ZFYVE9: variants seen among roughly 807,000 people sequenced by gnomAD.
ZFYVE9 encodes zinc finger FYVE-type containing 9, also known as zinc finger FYVE domain-containing protein 9.
Under a neutral mutation model 126.7 loss-of-function variants are expected in ZFYVE9, and 43 were observed. That is an observed-to-expected ratio of 0.34 (90% CI 0.27 to 0.44). ZFYVE9 has a LOEUF of 0.44. Among genes scored for constraint, ZFYVE9 ranks in the 20% least tolerant of loss-of-function variants. ZFYVE9 has a pLI of 1.00. For synonymous variants in ZFYVE9, 521 were observed against 597.4 expected, an observed-to-expected ratio of 0.87 and a Z score of 1.87; for missense variants, 1,476 against 1,697.0, an observed-to-expected ratio of 0.87 and a Z score of 2.29.
chr1:52,308,398 G>A (rs1300930429), intron 13 of ZFYVE9, among the ~76,000 whole-genome samples: 1 of 151,986 alleles, frequency 6.6e-6, no homozygotes, highest in East Asian at 1.9e-4. Context: ...TGTTGTCTAG[G>A]CTGATCCTGA....
At chr1:52,217,876 T>G (rs1031435512) in intron 2 of ZFYVE9, among the ~76,000 whole-genome samples, 1 of 152,062 alleles carries the variant, frequency 6.6e-6, no homozygotes, top group Non-Finnish European at 1.5e-5. Context: ...ATGTCAAGGG[T>G]TATTCTGTTT....
chr1:52,296,738 A>G (rs1251246403), intron 12 of ZFYVE9, among the ~76,000 whole-genome samples: 1 of 147,676 alleles, frequency 6.8e-6, no homozygotes, highest in Non-Finnish European at 1.5e-5. Flanking sequence ...TCCCTTTTTA[A>G]TAACCACCGA....
At chr1:52,208,203 C>G (rs1644994964) in intron 1 of ZFYVE9, among the ~76,000 whole-genome samples, 2 of 152,052 alleles carry the variant, frequency 1.3e-5, no homozygotes, top group African/African-American at 4.8e-5. Flanking sequence ...TGAATTCAAG[C>G]CTGGATCAGC....
At chr1:52,267,390 T>C (rs905814118) in intron 6 of ZFYVE9, among the ~76,000 whole-genome samples, 1 of 152,180 alleles carries the variant, frequency 6.6e-6, no homozygotes, top group Non-Finnish European at 1.5e-5. Flanking sequence ...AGGCTCAACT[T>C]ACATTGGTTT....
chr1:52,260,530 G>A (rs1557486776), intron 4 of ZFYVE9, among the ~76,000 whole-genome samples: 1 of 151,860 alleles, frequency 6.6e-6, no homozygotes. Flanking sequence ...AAATGCTTAA[G>A]TGGGGGCTGG....
At chr1:52,203,691 G>A (rs189573404) in intron 1 of ZFYVE9, among the ~76,000 whole-genome samples, 6 of 97,410 alleles carry the variant, frequency 6.2e-5, no homozygotes, top group Admixed American at 5.4e-4. Flanking sequence ...CTTATTACAC[G>A]TATGTTACAC....
intron 12 of ZFYVE9, among the ~76,000 whole-genome samples, chr1:52,302,753 GAA>G (rs58132556): frequency 1.4e-5 from 2 of 138,258 alleles, no homozygotes; most frequent in African/African-American, 5.2e-5. Context: ...TCTGTCTCAG[GAA>G]AAAAAAAAAA....
chr1:52,185,839 G>C (rs1007545936), intron 1 of ZFYVE9, among the ~76,000 whole-genome samples: 1 of 150,492 alleles, frequency 6.6e-6, no homozygotes, highest in Admixed American at 6.6e-5. Flanking sequence ...AGAATCGCTT[G>C]AACCTGGGAG....
At chr1:52,241,829 C>A (rs1366898585) in intron 4 of ZFYVE9, among the ~76,000 whole-genome samples, 1 of 151,838 alleles carries the variant, frequency 6.6e-6, no homozygotes, top group Non-Finnish European at 1.5e-5. Flanking sequence ...TAGAAAAATA[C>A]CCCAAATAAT....
chr1:52,286,678 G>A (rs1008573366), intron 10 of ZFYVE9, among the ~76,000 whole-genome samples: 2 of 152,084 alleles, frequency 1.3e-5, no homozygotes, highest in African/African-American at 4.8e-5. Flanking sequence ...AATTGGACTT[G>A]TATCTACCAG....
chr1:52,273,194 A>G (rs1035815878), intron 7 of ZFYVE9, among the ~76,000 whole-genome samples: 4 of 151,582 alleles, frequency 2.6e-5, no homozygotes, highest in Non-Finnish European at 4.4e-5. Context: ...ATTAGTAGAG[A>G]TGGGATTTCA....
intron 1 of ZFYVE9, among the ~76,000 whole-genome samples, chr1:52,216,127 T>G (rs1030360582): frequency 1.3e-5 from 2 of 152,216 alleles, no homozygotes; most frequent in African/African-American, 4.8e-5. Context: ...CTTTGCATTA[T>G]CCATTGAAAA....
chr1:52,159,038 C>T (rs183019103), intron 1 of ZFYVE9, among the ~76,000 whole-genome samples: 72 of 152,210 alleles, frequency 4.7e-4, no homozygotes, highest in Non-Finnish European at 9.1e-4. Flanking sequence ...GTGATCCGCC[C>T]GCCTCGGCCT....
chr1:52,274,495 C>T lies in ZFYVE9; in HGVS notation c.2657C>T (p.Thr886Ile), dbSNP rs1645725553. The part of the protein sequence containing the change: ...TDICLFSGSI[T>I]QVGSPVGSAM... ...ATTTGTCTATTCTCTGGGAGTATAA[C>T]TCAGGTTGGAAGTCCTGTTGGAAGT... is the stretch of plus-strand genomic sequence containing the variant. The change falls in exon 8 of 19, where the codon ACT becomes ATT. Residue 886 changes from threonine to isoleucine, a missense_variant. Around this residue, in one of 2 missense-constraint regions of ZFYVE9, gnomAD observed 669 missense variants for 902.4 expected, o/e 0.74. Transcript: ENST00000287727. 3.1e-6 allele frequency: 5 copies of T among 1,611,894 alleles called. No homozygotes were observed. The highest frequency in any genetic ancestry group is 3.3e-5 in the Admixed American group (2 of 60,004).
chr1:52,152,765 A>G (rs917398074), intron 1 of ZFYVE9, among the ~76,000 whole-genome samples: 7 of 152,216 alleles, frequency 4.6e-5, no homozygotes, highest in Non-Finnish European at 1.0e-4. Context: ...AAATGGGACT[A>G]ACAATAATAC....
chr1:52,248,682 G>T (rs1252063372), intron 4 of ZFYVE9, among the ~76,000 whole-genome samples: 2 of 152,206 alleles, frequency 1.3e-5, no homozygotes, highest in Non-Finnish European at 2.9e-5. Flanking sequence ...GGACACTTCA[G>T]TTGTTTCCAC....
intron 2 of ZFYVE9, among the ~76,000 whole-genome samples, chr1:52,218,544 A>G (rs527606220): frequency 2.0e-5 from 3 of 152,278 alleles, no homozygotes; most frequent in Admixed American, 6.5e-5. Flanking sequence ...GCTACCATAC[A>G]GTCTTTGCCT....
intron 13 of ZFYVE9, among the ~76,000 whole-genome samples, chr1:52,310,872 T>G (rs888905870): frequency 1.3e-5 from 2 of 152,190 alleles, no homozygotes; most frequent in Admixed American, 6.5e-5. Context: ...GTTGTTGTTG[T>G]CATTGTTTTC....
At chr1:52,235,945 A>G (rs346570) in intron 3 of ZFYVE9, among the ~76,000 whole-genome samples, 1,658 of 152,260 alleles carry the variant, frequency 0.011, 22 homozygotes, top group African/African-American at 0.038. Context: ...AAGCAAATTG[A>G]TACACTGTAT....
Sources: allele counts gnomAD v4.1 joint callset (sites outside exome capture counted in the v4.1 genomes callset), GRCh38; gene constraint gnomAD v4.1.1; regional missense constraint gnomAD v4.1.1; transcripts MANE v1.5; gene names NCBI Gene and HGNC (gene_info 2026-07-23, HGNC 2026-07-21).